Variants in TCF12 observed in about 807,000 individuals in gnomAD.
The protein encoded by TCF12 is DNA-binding protein HTF4.
Under a neutral mutation model 86.0 loss-of-function variants are expected in TCF12, and 45 were observed. The observed-to-expected ratio is 0.52, with a 90% CI of 0.41 to 0.67. TCF12 has a LOEUF of 0.67. Ranked by LOEUF, TCF12 falls within the 30% of genes least tolerant of loss-of-function variation. TCF12 has a pLI of 0.00. For synonymous variants in TCF12, 330 were observed against 299.6 expected, an observed-to-expected ratio of 1.10 and a Z score of -1.05; for missense variants, 881 against 859.9, an observed-to-expected ratio of 1.02 and a Z score of -0.31.
chr15:57,160,873 A>G (rs560232161), intron 5 of TCF12, among the ~76,000 whole-genome samples: 5 of 151,664 alleles, frequency 3.3e-5, no homozygotes, highest in African/African-American at 1.2e-4. Context: ...TATTTTTTAT[A>G]AAGGTCAGTT....
chr15:57,089,137 A>G (rs1203847035), intron 4 of TCF12, among the ~76,000 whole-genome samples: 4 of 152,182 alleles, frequency 2.6e-5, no homozygotes, highest in African/African-American at 9.6e-5. Flanking sequence ...TCCCAGCATC[A>G]GTTTGCACCT....
At chr15:57,255,871 G>A (rs569439115) in intron 16 of TCF12, among the ~76,000 whole-genome samples, 1 of 152,304 alleles carries the variant, frequency 6.6e-6, no homozygotes, top group African/African-American at 2.4e-5. Context: ...CTTAGTCTGA[G>A]CTGCAACATT....
intron 17 of TCF12, among the ~76,000 whole-genome samples, 197 bp from the exon 18 acceptor site, chr15:57,262,915 A>G (rs1312561261): frequency 9.2e-5 from 14 of 152,190 alleles, no homozygotes; most frequent in African/African-American, 3.1e-4. Context: ...TCTAAATACA[A>G]ATGCTGTTAA....
At chr15:57,111,624 C>A (rs2050498031) in intron 5 of TCF12, among the ~76,000 whole-genome samples, 1 of 139,638 alleles carries the variant, frequency 7.2e-6, no homozygotes. Context: ...TAGGGTCTCA[C>A]TCTGTCTCCC....
At chr15:57,001,985 A>G (rs2064067865) in intron 3 of TCF12, among the ~76,000 whole-genome samples, 1 of 152,228 alleles carries the variant, frequency 6.6e-6, no homozygotes, top group South Asian at 2.1e-4. Flanking sequence ...AGAAAGAGAG[A>G]AACCAATAAG....
intron 4 of TCF12, among the ~76,000 whole-genome samples, chr15:57,068,474 G>A (rs1357589302): frequency 3.9e-5 from 6 of 152,130 alleles, no homozygotes; most frequent in African/African-American, 1.4e-4. Context: ...TTAAATGTAT[G>A]AAGGACATAA....
chr15:57,244,907 A>T (rs1261450539), intron 13 of TCF12, among the ~76,000 whole-genome samples: 1 of 152,174 alleles, frequency 6.6e-6, no homozygotes, highest in African/African-American at 2.4e-5. Flanking sequence ...ATAAGTATAT[A>T]AAAATGTTTA....
At chr15:57,231,289 C>A in intron 9 of TCF12, 32 bp downstream of exon 9, 1 of 1,410,158 alleles carries the variant, frequency 7.1e-7, no homozygotes, top group Non-Finnish European at 1.0e-6. Flanking sequence ...CCAAATACTA[C>A]TGCAGTCATC....
chr15:57,127,998 G>A (rs1458930617), intron 5 of TCF12, among the ~76,000 whole-genome samples: 1 of 152,074 alleles, frequency 6.6e-6, no homozygotes, highest in African/African-American at 2.4e-5. Flanking sequence ...TTTAAAAAGG[G>A]GGATATAATG....
intron 3 of TCF12, among the ~76,000 whole-genome samples, chr15:56,947,014 T>C (rs1306145427): frequency 6.6e-6 from 1 of 152,110 alleles, no homozygotes; most frequent in African/African-American, 2.4e-5. Context: ...GCTAGGCTGG[T>C]CTTGAACTCC....
intron 18 of TCF12, among the ~76,000 whole-genome samples, chr15:57,266,032 A>G (rs188902377): frequency 6.6e-6 from 1 of 152,268 alleles, no homozygotes; most frequent in East Asian, 1.9e-4. Context: ...TTAAACAAGC[A>G]AATTATGGCC....
rs533436010 is a variant in TCF12 at position 57,035,436 on chromosome 15, T to A, written c.149-28314T>A. Among the ~76,000 whole-genome samples, 8 of 152,242 alleles carry A rather than the reference T, an allele frequency of 5.3e-5. No homozygotes were observed. In the South Asian group the frequency reaches 8.3e-4, roughly 16 times the overall value. On this transcript the variant is annotated intron_variant, in intron 3 of 20. Transcript: ENST00000333725. ...GCACCACCATGCCTGGCTAATTTTTTAAAATTTTTTTGTAGAGACGGGATC... is the reference window on the plus strand; with the variant it reads ...GCACCACCATGCCTGGCTAATTTTTAAAAATTTTTTTGTAGAGACGGGATC...
intron 3 of TCF12, among the ~76,000 whole-genome samples, chr15:57,004,569 C>T (rs1208545906): frequency 2.6e-5 from 4 of 152,058 alleles, no homozygotes; most frequent in Non-Finnish European, 5.9e-5. Flanking sequence ...CCACCACGCC[C>T]GGCTAATTTT....
chr15:56,939,890 G>A (rs1168009239), intron 3 of TCF12, among the ~76,000 whole-genome samples: 2 of 151,000 alleles, frequency 1.3e-5, no homozygotes, highest in African/African-American at 4.9e-5. Context: ...GAGGTTGTAT[G>A]TGAAAACAGC....
At chr15:57,233,092 A>G (rs529980099) in intron 11 of TCF12, among the ~76,000 whole-genome samples, 1 of 149,158 alleles carries the variant, frequency 6.7e-6, no homozygotes. Context: ...ATATATGTAT[A>G]TATAGGTATA....
intron 5 of TCF12, among the ~76,000 whole-genome samples, chr15:57,153,125 C>T (rs1305290531): frequency 1.3e-5 from 2 of 152,160 alleles, no homozygotes; most frequent in African/African-American, 4.8e-5. Flanking sequence ...ATAAAGACTT[C>T]TAGATATATG....
chr15:56,994,783 G>T (rs1332379716), intron 3 of TCF12, among the ~76,000 whole-genome samples: 1 of 152,070 alleles, frequency 6.6e-6, no homozygotes, highest in East Asian at 1.9e-4. Flanking sequence ...AATATCTGTT[G>T]TCAGCAGACG....
intron 5 of TCF12, among the ~76,000 whole-genome samples, chr15:57,104,951 G>A (rs1330026320): frequency 7.9e-6 from 1 of 127,222 alleles, no homozygotes; most frequent in Non-Finnish European, 1.6e-5. Flanking sequence ...TCTGCTCACT[G>A]CAACCCCTGC....
At chr15:57,057,134 G>T (rs867561850) in intron 3 of TCF12, among the ~76,000 whole-genome samples, 1 of 152,116 alleles carries the variant, frequency 6.6e-6, no homozygotes, top group African/African-American at 2.4e-5. Context: ...TCTCAATTCG[G>T]TTCTTTTAGT....
Sources: gnomAD v4.1 joint callset for allele counts (sites outside exome capture counted in the v4.1 genomes callset) on GRCh38, gnomAD v4.1.1 for gene constraint, MANE v1.5 for transcripts, NCBI Gene and HGNC (gene_info 2026-07-23, HGNC 2026-07-21) for gene names.